The following KDM2A variants were observed in gnomAD, a reference collection of about 807,000 sequenced individuals.
KDM2A encodes the protein lysine-specific demethylase 2A.
A neutral mutation model predicts 137.3 loss-of-function variants in KDM2A; 3 were observed. That is an observed-to-expected ratio of 0.02 (90% CI 0.01 to 0.06). KDM2A has a LOEUF of 0.06. KDM2A is among the 10% of genes least tolerant of loss of function. The pLI, the probability that KDM2A is intolerant of heterozygous loss-of-function variation, is 1.00. For synonymous variants in KDM2A, 512 were observed against 541.5 expected (o/e 0.95, Z 0.76); for missense variants, 738 against 1,510.6 (o/e 0.49, Z 8.48).
chr11:67,120,780 C>G (rs2136273573), intron 1 of KDM2A, among the ~76,000 whole-genome samples: 1 of 152,226 alleles, frequency 6.6e-6, no homozygotes, highest in South Asian at 2.1e-4. Context: ...TTTTTGTCCT[C>G]TTTTTACATA....
At chr11:67,136,582 A>G (rs560947543) in intron 2 of KDM2A, among the ~76,000 whole-genome samples, 1 of 152,306 alleles carries the variant, frequency 6.6e-6, no homozygotes, top group Non-Finnish European at 1.5e-5. Context: ...TACTTGTAGG[A>G]TGGAGAATTC....
rs1389232328 is a variant in KDM2A, at chr11:67,255,810, C to A, written c.*755C>A. ...GTCTACCCCAGGGACACACCCATTT[C>A]GTTGCTACCCAAGTGGATTCTGAGA... On this transcript the variant is annotated 3_prime_UTR_variant, in exon 21 of 21. Transcript: ENST00000529006. The A allele has an allele frequency of 3.5e-6, 1 of 287,480 alleles. No individual in the cohort carries two copies. Among genetic ancestry groups the A allele is most frequent in the South Asian group, 2.8e-5 (1 of 35,872 alleles). The allele number at this position is 287,480 out of a possible 1,614,324, so 17.8% of individuals were successfully genotyped here.
At chr11:67,225,620 A>G (rs1461342049) in intron 10 of KDM2A, among the ~76,000 whole-genome samples, 1 of 150,944 alleles carries the variant, frequency 6.6e-6, no homozygotes, top group African/African-American at 2.4e-5. Flanking sequence ...AAAATACAAA[A>G]TTAGCCAGGT....
At chr11:67,238,511 G>T (rs1028815079) in intron 12 of KDM2A, among the ~76,000 whole-genome samples, 1 of 152,144 alleles carries the variant, frequency 6.6e-6, no homozygotes, top group South Asian at 2.1e-4. Flanking sequence ...TACAGTGTCC[G>T]GGAGAAGTTT....
chr11:67,154,953 T>G (rs748305385), intron 2 of KDM2A, among the ~76,000 whole-genome samples: 2 of 152,256 alleles, frequency 1.3e-5, no homozygotes, highest in Non-Finnish European at 2.9e-5. Context: ...ACCTTTTAGC[T>G]ACTGTGAATA....
At chr11:67,134,383 A>G (rs1435019247) in intron 2 of KDM2A, among the ~76,000 whole-genome samples, 1 of 152,262 alleles carries the variant, frequency 6.6e-6, no homozygotes, top group Non-Finnish European at 1.5e-5. Flanking sequence ...GAACAGGTCC[A>G]GAATGTCAGT....
At chr11:67,144,519 T>C (rs905937508) in intron 2 of KDM2A, among the ~76,000 whole-genome samples, 13 of 152,126 alleles carry the variant, frequency 8.5e-5, no homozygotes, top group Non-Finnish European at 1.9e-4. Context: ...TCCAAAGTGC[T>C]GGGATTACAG....
chr11:67,219,697 G>A (rs1042180232), intron 10 of KDM2A: 5 of 181,800 alleles, frequency 2.8e-5, no homozygotes, highest in Non-Finnish European at 5.8e-5. Flanking sequence ...GGGACCGTGG[G>A]TGCACACCAC....
intron 12 of KDM2A, among the ~76,000 whole-genome samples, chr11:67,238,715 A>G (rs1394350265): frequency 6.6e-6 from 1 of 152,206 alleles, no homozygotes; most frequent in Non-Finnish European, 1.5e-5. Context: ...GGAAATAAAT[A>G]AGAATGCTTA....
chr11:67,229,625 C>A (rs1170404963), intron 11 of KDM2A, among the ~76,000 whole-genome samples: 2 of 152,246 alleles, frequency 1.3e-5, no homozygotes, highest in East Asian at 3.9e-4. Flanking sequence ...AATCCCAGCA[C>A]TTTGGGAGGC....
intron 2 of KDM2A, among the ~76,000 whole-genome samples, chr11:67,174,342 AC>A (rs749187631): frequency 2.0e-5 from 3 of 152,134 alleles, no homozygotes; most frequent in Non-Finnish European, 4.4e-5. Flanking sequence ...ATTGTTACTG[AC>A]TCAGTGAATA....
intron 10 of KDM2A, among the ~76,000 whole-genome samples, chr11:67,224,461 C>CTTTTTTTTTTTTTTT (rs35180780): frequency 1.1e-5 from 1 of 95,164 alleles, no homozygotes; most frequent in African/African-American, 4.5e-5. Flanking sequence ...TAACCCCTTT[C>CTTTTTTTTTTTTTTT]TTTTTTTTTT....
intron 2 of KDM2A, among the ~76,000 whole-genome samples, chr11:67,158,005 G>A (rs2136313924): frequency 6.6e-6 from 1 of 152,184 alleles, no homozygotes; most frequent in South Asian, 2.1e-4. Context: ...CCCTGTTTGT[G>A]TTGTACAGTT....
chr11:67,179,415 A>C (rs970685273), intron 2 of KDM2A, among the ~76,000 whole-genome samples: 3 of 152,168 alleles, frequency 2.0e-5, no homozygotes, highest in Non-Finnish European at 4.4e-5. Flanking sequence ...CTGGGATTAC[A>C]GGCATGTGCC....
At chr11:67,147,572 G>T (rs1005817048) in intron 2 of KDM2A, among the ~76,000 whole-genome samples, 1 of 151,472 alleles carries the variant, frequency 6.6e-6, no homozygotes, top group Non-Finnish European at 1.5e-5. Flanking sequence ...ACTTTCACTG[G>T]ATTTCAAGAG....
At chr11:67,140,069 A>G (rs1358736861) in intron 2 of KDM2A, among the ~76,000 whole-genome samples, 3 of 151,988 alleles carry the variant, frequency 2.0e-5, no homozygotes, top group Non-Finnish European at 4.4e-5. Flanking sequence ...AGAGAATACC[A>G]TGGTTTGTGG....
chr11:67,232,747 G>A (rs1015266192), intron 12 of KDM2A, among the ~76,000 whole-genome samples: 3 of 148,426 alleles, frequency 2.0e-5, no homozygotes, highest in East Asian at 2.0e-4. Flanking sequence ...TCACTCTGTC[G>A]CTCAGGTTGG....
rs1033158634 is a variant in KDM2A at position 67,250,226 on chromosome 11, C to G, written c.2196C>G (p.Pro732=). ...AGCTCATCCATGACCCGGTTTCCCC[C>G]CGGGGTATGGTGACTCGGTCATCCC... ...MLQLIHDPVS[P]RGMVTRSSPG... Residue 732 remains proline (P), a synonymous_variant, in exon 17 of 21, where the codon CCC becomes CCG. Coordinates refer to ENST00000529006, the MANE Select transcript of KDM2A (RefSeq NM_012308.3). This position sits in a 1 kb window ranked among gnomAD's most constrained non-coding sequence, Gnocchi z 7.1. The G allele has an allele frequency of 6.2e-7, 1 of 1,613,816 alleles. No homozygotes were observed. The highest frequency in any genetic ancestry group is 8.5e-7 in the Non-Finnish European group (1 of 1,179,886).
intron 2 of KDM2A, among the ~76,000 whole-genome samples, chr11:67,171,661 T>C (rs1051889487): frequency 1.8e-4 from 27 of 152,202 alleles, no homozygotes; most frequent in Admixed American, 1.7e-3. Flanking sequence ...ATGTGTAAAA[T>C]AAATCCATCA....
Sources: allele counts gnomAD v4.1 joint callset (sites outside exome capture counted in the v4.1 genomes callset), GRCh38; gene constraint gnomAD v4.1.1; non-coding constraint Gnocchi (gnomAD v3.1); transcripts MANE v1.5; gene names NCBI Gene and HGNC (gene_info 2026-07-23, HGNC 2026-07-21).